Variants in F5 observed in about 807,000 individuals in gnomAD.
The protein encoded by F5 is coagulation factor V, also known as activated protein c cofactor.
A neutral mutation model predicts 216.4 loss-of-function variants in F5; 138 were observed. That is an observed-to-expected ratio of 0.64 (90% CI 0.56 to 0.73). The LOEUF is 0.73. F5 is among the 30% of genes least tolerant of loss of function. The pLI, the probability that F5 is intolerant of heterozygous loss-of-function variation, is 0.00. For missense variants in F5, 2,403 were observed against 2,674.0 expected (o/e 0.90, Z 2.24); for synonymous variants, 916 against 930.7 (o/e 0.98, Z 0.29).
rs975809603 is a variant in F5 at position 169,513,149 on chromosome 1, T to C, written c.*1164A>G. On this transcript the variant is annotated 3_prime_UTR_variant, in exon 25 of 25. Coordinates refer to ENST00000367797, the MANE Select transcript of F5 (RefSeq NM_000130.5). ...GAGAGATTGTTATGAATTTCGTTGA[T>C]AAAATTTTATATATTTATGGTATAC... 1.4e-4 allele frequency among the ~76,000 whole-genome samples: 22 copies of C among 152,130 alleles called. No individual in the cohort carries two copies. The highest frequency in any genetic ancestry group is 4.8e-4 in the African/African-American group (20 of 41,446).
chr1:169,576,581 C>G (rs1011626019), intron 2 of F5, among the ~76,000 whole-genome samples: 3 of 152,116 alleles, frequency 2.0e-5, no homozygotes, highest in African/African-American at 7.2e-5. Flanking sequence ...CTATTCCTTC[C>G]ACGGGGCAGG....
At chr1:169,515,931 G>C (rs1418587903) in intron 23 of F5, among the ~76,000 whole-genome samples, 2 of 152,106 alleles carry the variant, frequency 1.3e-5, no homozygotes. Context: ...AAGACACTCA[G>C]TTGGTGTTCA....
chr1:169,548,102 A>G (rs542258467), intron 10 of F5, among the ~76,000 whole-genome samples: 1 of 152,360 alleles, frequency 6.6e-6, no homozygotes, highest in Admixed American at 6.5e-5. Context: ...AGAAAACCAC[A>G]TACTGCATGT....
intron 2 of F5, among the ~76,000 whole-genome samples, chr1:169,578,618 C>A (rs2101844366): frequency 6.6e-6 from 1 of 152,302 alleles, no homozygotes. Flanking sequence ...TGTTTCCCAC[C>A]TTATATTCCC....
rs575766548 is a variant in F5 at position 169,542,840 on chromosome 1, CTCT to C, written c.2247_2249del (p.Glu750del). On this transcript the variant is annotated inframe_deletion, in exon 13 of 25. Coordinates refer to ENST00000367797, the MANE Select transcript of F5 (RefSeq NM_000130.5). ...CCAGAGCTAGGGCAGTAAGATTGAA[CTCT>C]TCTTCTTCCTGATTCAATGATGAGT... 9.5e-4 allele frequency: 1,526 copies of C among 1,613,946 alleles called. 9 individuals are homozygous for C. In the African/African-American group the frequency reaches 0.013, roughly 14 times the overall value.
chr1:169,550,856 C>T, intron 8 of F5, 117 bp from the exon 9 acceptor site: 1 of 761,136 alleles, frequency 1.3e-6, no homozygotes, highest in Non-Finnish European at 2.3e-6. Flanking sequence ...TGTGTACACA[C>T]AGTAGGAAAA....
Position 169,546,551 on chromosome 1 carries a change from A to G in F5, c.1653T>C (p.Phe551=). The change falls in exon 11 of 25, where the codon TTT becomes TTC. Residue 551 remains phenylalanine (F), a synonymous_variant. Coordinates refer to ENST00000367797, the MANE Select transcript of F5 (RefSeq NM_000130.5). The part of the protein sequence containing the change: ...DIEQQAVFAV[F]DENKSWYLED... ...CAAGGTACCAGCTTTTGTTCTCATC[A>G]AACACAGCAAACACAGCCTGCTGTT... The G allele has an allele frequency of 6.2e-7, 1 of 1,614,176 alleles. No individual in the cohort carries two copies. Among genetic ancestry groups the G allele is most frequent in the Non-Finnish European group, 8.5e-7 (1 of 1,180,004 alleles).
chr1:169,558,331 A>C (rs1452596535), intron 5 of F5, among the ~76,000 whole-genome samples: 1 of 152,206 alleles, frequency 6.6e-6, no homozygotes, highest in Non-Finnish European at 1.5e-5. Flanking sequence ...TCAGAAAACC[A>C]AGTGGAAAAT....
At chr1:169,538,290 C>T (rs1659752872) in intron 13 of F5, among the ~76,000 whole-genome samples, 1 of 152,010 alleles carries the variant, frequency 6.6e-6, no homozygotes, top group African/African-American at 2.4e-5. Context: ...ACATTGAGCT[C>T]ATAGAAGCAG....
chr1:169,531,748 T>A (rs1423384430), intron 14 of F5, among the ~76,000 whole-genome samples: 1 of 151,872 alleles, frequency 6.6e-6, no homozygotes, highest in Admixed American at 6.6e-5. Context: ...ATATGAGAAG[T>A]CTTCACACCC....
intron 10 of F5, among the ~76,000 whole-genome samples, chr1:169,548,552 A>G (rs1265721406): frequency 1.3e-5 from 2 of 152,126 alleles, no homozygotes; most frequent in Non-Finnish European, 2.9e-5. Context: ...AACAGAACAG[A>G]TAAGAAAATT....
Position 169,518,583 on chromosome 1 carries a change from G to T in F5, c.6194-20C>A, listed in dbSNP as rs6013. 95,656 of 1,612,548 alleles carry T rather than the reference G, an allele frequency of 0.059. 3,314 individuals carry two copies. The highest frequency in any genetic ancestry group is 0.096 in the Admixed American group (5,740 of 59,956). ...AACATCCTATCAAAAGAAAAGTAACGTGATTAATTACACACCAATATTCCC... is the reference window on the plus strand; with the variant it reads ...AACATCCTATCAAAAGAAAAGTAACTTGATTAATTACACACCAATATTCCC... On this transcript the variant is annotated intron_variant, in intron 22 of 24. Coordinates refer to ENST00000367797, the MANE Select transcript of F5 (RefSeq NM_000130.5).
At chr1:169,551,081 T>G (rs912495136) in intron 8 of F5, among the ~76,000 whole-genome samples, 5 of 152,210 alleles carry the variant, frequency 3.3e-5, no homozygotes, top group African/African-American at 1.2e-4. Flanking sequence ...ACATCTCATT[T>G]TGAATCTGCT....
chr1:169,579,508 G>A (rs1660941223), intron 2 of F5, among the ~76,000 whole-genome samples: 1 of 152,156 alleles, frequency 6.6e-6, no homozygotes, highest in Admixed American at 6.5e-5. Context: ...ACACCCGTCT[G>A]CTCACTTAAC....
At position 169,520,590 on chromosome 1, in the gene F5, A is replaced by C; in HGVS notation, c.6123T>G (p.Ile2041Met). 6.2e-7 allele frequency: 1 copy of C among 1,613,986 alleles called. No homozygotes were observed. The highest frequency in any genetic ancestry group is 1.1e-5 in the South Asian group (1 of 91,088). The change falls in exon 22 of 25, where the codon ATT (isoleucine) becomes ATG (methionine). Residue 2041 changes from isoleucine (I) to methionine (M), a missense_variant. Ile to Met is a conservative substitution (Grantham distance 10). Transcript: ENST00000367797. ...TATAGGCTCGAGTTGGAGAGATCCTAATATATCTAGCCACAATAGGTGGGT... is the reference window on the plus strand; with the variant it reads ...TATAGGCTCGAGTTGGAGAGATCCTCATATATCTAGCCACAATAGGTGGGT... ...QFDPPIVARY[I>M]RISPTRAYNR...
intron 3 of F5, among the ~76,000 whole-genome samples, chr1:169,568,794 G>T (rs1210691743): frequency 1.3e-5 from 2 of 152,092 alleles, no homozygotes; most frequent in African/African-American, 4.8e-5. Flanking sequence ...ATGAAAAATG[G>T]TGCATACAAG....
chr1:169,530,397 G>C (rs1472968100), intron 15 of F5, among the ~76,000 whole-genome samples: 1 of 152,094 alleles, frequency 6.6e-6, no homozygotes, highest in Non-Finnish European at 1.5e-5. Context: ...ATATTGTTTT[G>C]AAGTATATAT....
rs753464282 is a variant in F5, at chr1:169,524,873, T to C, written c.5752A>G (p.Ile1918Val). 3 of 1,613,766 alleles carry C rather than the reference T, an allele frequency of 1.9e-6. No homozygotes were observed. The African/African-American group carries it at 4.0e-5, about 22-fold the overall frequency. Residue 1918 changes from isoleucine to valine, a missense_variant, in exon 19 of 25, where the codon ATA becomes GTA. Physicochemically the swap from Ile to Val is conservative, Grantham distance 29. Around this residue, in one of 4 missense-constraint regions of F5, gnomAD observed 659 missense variants for 787.9 expected, o/e 0.84. Transcript: ENST00000367797. ...GAAGCCTTGATCTGTGAATCAGATA[T>C]GATACCAGTGCTTAGTCCCATTGGC... ...RMPMGLSTGI[I>V]SDSQIKASEF... is the part of the protein sequence containing the mutation.
At chr1:169,518,979 A>G (rs1296193130) in intron 22 of F5, among the ~76,000 whole-genome samples, 1 of 152,230 alleles carries the variant, frequency 6.6e-6, no homozygotes, top group Non-Finnish European at 1.5e-5. Flanking sequence ...TTCTTCTAAC[A>G]AAAGCTACCA....
Sources: gnomAD v4.1 joint callset for allele counts (sites outside exome capture counted in the v4.1 genomes callset) on GRCh38, gnomAD v4.1.1 for gene constraint, gnomAD v4.1.1 regional missense constraint, MANE v1.5 for transcripts, NCBI Gene and HGNC (gene_info 2026-07-23, HGNC 2026-07-21) for gene names.